PUS3: variants seen among roughly 807,000 people sequenced by gnomAD.
PUS3 encodes the protein tRNA pseudouridine(38/39) synthase.
A neutral mutation model predicts 43.3 loss-of-function variants in PUS3; 36 were observed. That is an observed-to-expected ratio of 0.83 (90% CI 0.64 to 1.10). The LOEUF is 1.10. Among genes scored for constraint, PUS3 ranks in the 50% least tolerant of loss-of-function variants. The pLI is 0.00. For missense variants in PUS3, 544 were observed against 589.9 expected (o/e 0.92, Z 0.81); for synonymous variants, 183 against 199.2 (o/e 0.92, Z 0.69).
Position 125,894,211 on chromosome 11 carries a change from A to C in PUS3, c.1020T>G (p.Ala340=). 6.2e-7 allele frequency: 1 copy of C among 1,613,870 alleles called. No individual in the cohort carries two copies. The highest frequency in any genetic ancestry group is 8.5e-7 in the Non-Finnish European group (1 of 1,179,810). ...ENVKWIYDQE[A]QEFNITHLQQ... ...GTAGGTGGGTAATATTGAACTCCTGAGCCTCCTGGTCATAGATCCACTTGA... is the reference window on the plus strand; with the variant it reads ...GTAGGTGGGTAATATTGAACTCCTGCGCCTCCTGGTCATAGATCCACTTGA... Residue 340 remains alanine, a synonymous_variant, in exon 4 of 4, where the codon GCT becomes GCG. Transcript: ENST00000227474.
rs1454739839 is a variant in PUS3 at position 125,896,232 on chromosome 11, A to T, written c.53T>A (p.Val18Glu). 9 of 1,613,190 alleles carry T rather than the reference A, an allele frequency of 5.6e-6. No homozygotes were observed. The East Asian group carries it at 2.0e-4, about 36-fold the overall frequency. Reference sequence around the variant, plus strand: ...TTGCACCTCTTGCTCCAGTTCTCGTACTCTTTTTAGGAGCTTCTCAGTCTG... The same window carrying T: ...TTGCACCTCTTGCTCCAGTTCTCGTTCTCTTTTTAGGAGCTTCTCAGTCTG... Reference protein sequence around the residue: ...RNQTEKLLKRVRELEQEVQRL... With the variant: ...RNQTEKLLKRERELEQEVQRL... The change falls in exon 2 of 4, where the codon GTA (valine) becomes GAA (glutamate). Residue 18 changes from valine (V) to glutamate (E), a missense_variant. Physicochemically the swap from Val to Glu is moderately radical, Grantham distance 121. Transcript: ENST00000227474.
At chr11:125,899,178 T>A in intron 1 of PUS3, 1 of 591,112 alleles carries the variant, frequency 1.7e-6, no homozygotes, top group Non-Finnish European at 3.0e-6. Context: ...TCCCTAGAAC[T>A]GAGTTAATGC....
intron 1 of PUS3, among the ~76,000 whole-genome samples, chr11:125,902,405 G>A (rs971726107): frequency 2.6e-5 from 4 of 151,982 alleles, no homozygotes; most frequent in Non-Finnish European, 5.9e-5. Context: ...CTCGAAGTCA[G>A]GAGTTCGAGA....
In PUS3 at chr11:125,895,191, G is replaced by T. The variant is rs1455539922; in HGVS notation, c.944+33C>A. On this transcript the variant is annotated intron_variant, in intron 3 of 3. Transcript: ENST00000227474. The stretch of plus-strand genomic sequence containing the variant: ...GCGTCCCGAGTAGCTGGGACTACAG[G>T]CATGTGCCATTTATTTTTTATTTTT... The T allele has an allele frequency of 6.0e-6, 9 of 1,507,560 alleles. No homozygotes were observed. The African/African-American group carries it at 7.0e-5, about 12-fold the overall frequency. 93.4% of individuals were successfully genotyped at this position (1,507,560 alleles called of 1,614,324 possible).
chr11:125,896,125 C>T lies in PUS3; in HGVS notation c.160G>A (p.Ala54Thr), dbSNP rs757888463. ...CGGCCATGAGCACTGAAATCAAATG[C>T]ACGCTTAGTTTTTCCAGCTCCTGCT... ...NSAGAGKTKR[A>T]FDFSAHGRRH... The change falls in exon 2 of 4, where the codon GCA becomes ACA. Residue 54 changes from alanine to threonine, a missense_variant. Transcript: ENST00000227474. 4.3e-6 allele frequency: 7 copies of T among 1,614,198 alleles called. No homozygotes were observed. In the South Asian group the frequency reaches 7.7e-5, roughly 18 times the overall value.
In PUS3 at chr11:125,893,844, T is replaced by A; in HGVS notation, c.1387A>T (p.Asn463Tyr). Residue 463 changes from asparagine to tyrosine, a missense_variant, in exon 4 of 4, where the codon AAT becomes TAT. Asn to Tyr is a moderately radical substitution (Grantham distance 143). Coordinates refer to ENST00000227474, the MANE Select transcript of PUS3 (RefSeq NM_031307.4). ...ACCCTCTTCGTTGGTGTCTCCAAAT[T>A]AGTATTCTCTTCCTCTAGTGTGTCA... ...CNDTLEEENT[N>Y]LETPTKRVCV... The A allele has an allele frequency of 6.2e-7, 1 of 1,614,068 alleles. No homozygotes were observed.
chr11:125,895,044 G>A (rs1450434291), intron 3 of PUS3, among the ~76,000 whole-genome samples, 180 bp downstream of exon 3: 1 of 149,760 alleles, frequency 6.7e-6, no homozygotes, highest in East Asian at 2.0e-4. Flanking sequence ...AGGAGGATAT[G>A]CTATTTCTTT....
At chr11:125,899,265 TA>T (rs1944683196) in intron 1 of PUS3, 1 of 989,698 alleles carries the variant, frequency 1.0e-6, no homozygotes, top group Non-Finnish European at 1.5e-6. Context: ...TTGACTGCTA[TA>T]AAACGGAGAT....
rs975994181 is a variant in PUS3 at position 125,903,192 on chromosome 11, C to G, written c.-69G>C. 2.0e-6 allele frequency: 2 copies of G among 985,384 alleles called. No homozygotes were observed. The highest frequency in any genetic ancestry group is 1.7e-5 in the African/African-American group (1 of 57,258). 61.0% of individuals were successfully genotyped at this position (985,384 alleles called of 1,614,324 possible). ...TACTTTCCGGCAGCCGGCCGCGCCG[C>G]GTTTCCGAGAAAGGAAGCTGTCACT... On this transcript the variant is annotated 5_prime_UTR_variant, in exon 1 of 4. Transcript: ENST00000227474.
In PUS3 at chr11:125,894,113, G is replaced by T. The variant is rs1944501510; in HGVS notation, c.1118C>A (p.Pro373Gln). 1 of 1,613,924 alleles carries T rather than the reference G, an allele frequency of 6.2e-7. No individual in the cohort carries two copies. The highest frequency in any genetic ancestry group is 1.7e-5 in the Admixed American group (1 of 59,980). Residue 373 changes from proline to glutamine, a missense_variant, in exon 4 of 4, where the codon CCA (proline) becomes CAA (glutamine). Coordinates refer to ENST00000227474, the MANE Select transcript of PUS3 (RefSeq NM_031307.4). The stretch of plus-strand genomic sequence containing the variant: ...CTTTGGTCCTATTCCACAGGGTACT[G>T]GAACAGTGTCCAGTCCTTGTAGCAT... ...YSMLQGLDTV[P>Q]VPCGIGPKMD...
At chr11:125,897,670 C>CT (rs567966146) in intron 1 of PUS3, among the ~76,000 whole-genome samples, 19 of 152,118 alleles carry the variant, frequency 1.2e-4, no homozygotes, top group Non-Finnish European at 2.2e-4. Context: ...AGGATATGAA[C>CT]TATTTTTCAA....
Position 125,893,893 on chromosome 11 carries a change from T to G in PUS3, c.1338A>C (p.Glu446Asp). Residue 446 changes from glutamate to aspartate, a missense_variant, in exon 4 of 4, where the codon GAA (glutamate) becomes GAC (aspartate). Physicochemically the swap from Glu to Asp is conservative, Grantham distance 45 (BLOSUM62 2). Transcript: ENST00000227474. ...CATTACAGTCCCTTTTGGCTTTTGT[T>G]TCTTCCTCATGGAATAAATGTGGGT... Reference protein sequence around the residue: ...IEHPHLFHEEETKAKRDCNDT... With the variant: ...IEHPHLFHEEDTKAKRDCNDT... The G allele has an allele frequency of 6.2e-7, 1 of 1,614,214 alleles. No homozygotes were observed. Among genetic ancestry groups the G allele is most frequent in the Non-Finnish European group, 8.5e-7 (1 of 1,180,034 alleles).
chr11:125,898,241 A>G (rs933201589), intron 1 of PUS3, among the ~76,000 whole-genome samples: 2 of 152,228 alleles, frequency 1.3e-5, no homozygotes, highest in East Asian at 1.9e-4. Flanking sequence ...AAAAAGAAAA[A>G]TAGTGGGGAC....
At chr11:125,895,164 A>C in intron 3 of PUS3, 60 bp downstream of exon 3, 6 of 1,385,108 alleles carry the variant, frequency 4.3e-6, no homozygotes, top group Non-Finnish European at 3.9e-6. Flanking sequence ...CTTGTGCCTC[A>C]AGCGTCCCGA....
intron 1 of PUS3, among the ~76,000 whole-genome samples, chr11:125,897,544 A>G (rs1944625185): frequency 6.6e-6 from 1 of 151,272 alleles, no homozygotes; most frequent in Non-Finnish European, 1.5e-5. Context: ...AAATCCAGCA[A>G]CCTGAGAGTC....
At chr11:125,895,185 C>T (rs1192792849) in intron 3 of PUS3, 39 bp downstream of exon 3, 1 of 1,497,500 alleles carries the variant, frequency 6.7e-7, no homozygotes, top group Non-Finnish European at 8.9e-7. Flanking sequence ...GTAGCTGGGA[C>T]TACAGGCATG....
intron 2 of PUS3, 49 bp from the exon 3 acceptor site, chr11:125,895,838 A>G (rs1170556767): frequency 6.3e-7 from 1 of 1,581,516 alleles, no homozygotes. Context: ...AAATAATCTC[A>G]GTACTCAGTG....
intron 1 of PUS3, chr11:125,900,405 C>G: frequency 2.6e-6 from 2 of 783,598 alleles, no homozygotes; most frequent in Non-Finnish European, 4.3e-6. Context: ...TTGGTCTTTC[C>G]TAGCTATATA....
Position 125,895,962 on chromosome 11 carries a change from G to A in PUS3, c.323C>T (p.Thr108Ile), listed in dbSNP as rs1565453944. ...TCTCCCACATCGGTGATAGTTGGAT[G>A]TCTGTCTGCTTTCTACTAGTCGAGT... Reference protein sequence around the residue: ...TKTRLVESRQTSNYHRCGRTD... With the variant: ...TKTRLVESRQISNYHRCGRTD... The change falls in exon 2 of 4, where the codon ACA becomes ATA. Residue 108 changes from threonine (T) to isoleucine (I), a missense_variant. Physicochemically the swap from Thr to Ile is moderately conservative, Grantham distance 89. Transcript: ENST00000227474. 6.2e-7 allele frequency: 1 copy of A among 1,614,112 alleles called. No individual in the cohort carries two copies. Among genetic ancestry groups the A allele is most frequent in the East Asian group, 2.2e-5 (1 of 44,888 alleles).
Sources: allele counts gnomAD v4.1 joint callset (sites outside exome capture counted in the v4.1 genomes callset), GRCh38; gene constraint gnomAD v4.1.1; transcripts MANE v1.5; gene names NCBI Gene and HGNC (gene_info 2026-07-23, HGNC 2026-07-21).